The following CAPZB variants were observed in gnomAD, a reference collection of about 807,000 sequenced individuals.
The protein encoded by CAPZB is F-actin-capping protein subunit beta.
A neutral mutation model predicts 38.1 loss-of-function variants in CAPZB; 2 were observed. The observed-to-expected ratio is 0.05, with a 90% confidence interval of 0.02 to 0.17. The LOEUF (loss-of-function observed/expected upper bound fraction) is 0.17, where lower values mean the gene tolerates loss of function less well. Among genes scored for constraint, CAPZB ranks in the 10% least tolerant of loss-of-function variants. The probability of loss-of-function intolerance (pLI) is 1.00; values close to 1 mark genes in which losing one functional copy is unlikely to be tolerated. For synonymous variants in CAPZB, 107 were observed against 127.4 expected, an observed-to-expected ratio of 0.84 and a Z score of 1.08; for missense variants, 161 against 334.2, an observed-to-expected ratio of 0.48 and a Z score of 4.04.
chr1:19,347,141 G>A (rs1279204990), intron 6 of CAPZB, among the ~76,000 whole-genome samples: 4 of 151,942 alleles, frequency 2.6e-5, no homozygotes, highest in East Asian at 1.9e-4. Context: ...GCACCTGGCC[G>A]ACCCAACTTT....
At chr1:19,345,338 A>G in intron 6 of CAPZB, 86 bp from the exon 7 acceptor site, 4 of 1,105,002 alleles carry the variant, frequency 3.6e-6, no homozygotes, top group African/African-American at 1.5e-5. Flanking sequence ...CACGGTCTGC[A>G]AAGAGCCTAC....
intron 2 of CAPZB, among the ~76,000 whole-genome samples, chr1:19,388,007 G>A (rs2094212884): frequency 6.6e-6 from 1 of 152,218 alleles, no homozygotes; most frequent in Non-Finnish European, 1.5e-5. Flanking sequence ...CAGACACAGG[G>A]TACAAACGTA....
chr1:19,484,010 G>T (rs372862210), intron 1 of CAPZB, among the ~76,000 whole-genome samples: 1 of 152,162 alleles, frequency 6.6e-6, no homozygotes, highest in African/African-American at 2.4e-5. Flanking sequence ...AAGTTCTCTG[G>T]CCCTTCCAAC....
At chr1:19,367,383 G>A (rs2094095104) in intron 4 of CAPZB, among the ~76,000 whole-genome samples, 1 of 152,376 alleles carries the variant, frequency 6.6e-6, no homozygotes, top group Admixed American at 6.5e-5. Flanking sequence ...GAACAGAGGG[G>A]AGGAGAAGGC....
intron 1 of CAPZB, among the ~76,000 whole-genome samples, chr1:19,473,249 C>T (rs773550507): frequency 1.3e-5 from 2 of 152,198 alleles, no homozygotes; most frequent in Non-Finnish European, 2.9e-5. Flanking sequence ...CTTGAAAGGC[C>T]ATCTCTGCCC....
chr1:19,461,339 C>A (rs548109556), intron 1 of CAPZB, among the ~76,000 whole-genome samples: 1 of 152,320 alleles, frequency 6.6e-6, no homozygotes, highest in Admixed American at 6.5e-5. Flanking sequence ...CACAGAGGGA[C>A]AACTGAACGT....
At chr1:19,350,010 G>A (rs2093983215) in intron 6 of CAPZB, among the ~76,000 whole-genome samples, 1 of 152,252 alleles carries the variant, frequency 6.6e-6, no homozygotes, top group African/African-American at 2.4e-5. Context: ...TGTGGCTGCA[G>A]ATGTTCCACG....
chr1:19,461,096 C>CGGGGGGG (rs67195695), intron 1 of CAPZB, among the ~76,000 whole-genome samples: 7 of 113,122 alleles, frequency 6.2e-5, no homozygotes, highest in African/African-American at 1.1e-4. Context: ...TGGGCGGGGG[C>CGGGGGGG]GGGGGGGGGA....
chr1:19,484,878 G>C (rs535670335), intron 1 of CAPZB, among the ~76,000 whole-genome samples: 1 of 152,320 alleles, frequency 6.6e-6, no homozygotes, highest in African/African-American at 2.4e-5. Flanking sequence ...AGGAGATTCA[G>C]GCTGAGGCCA....
chr1:19,424,947 G>A (rs1039172026), intron 1 of CAPZB, among the ~76,000 whole-genome samples: 1 of 152,202 alleles, frequency 6.6e-6, no homozygotes, highest in African/African-American at 2.4e-5. Flanking sequence ...AAGCCTCAAG[G>A]AACCAATTGT....
intron 6 of CAPZB, among the ~76,000 whole-genome samples, chr1:19,349,550 A>G (rs1213914431): frequency 6.6e-6 from 1 of 152,140 alleles, no homozygotes; most frequent in African/African-American, 2.4e-5. Context: ...CACATCAGCA[A>G]TTTGGCCTCT....
chr1:19,474,976 C>T (rs541406950), intron 1 of CAPZB, among the ~76,000 whole-genome samples: 1 of 152,270 alleles, frequency 6.6e-6, no homozygotes, highest in South Asian at 2.1e-4. Context: ...TGACAAGGAC[C>T]TGCAGGGAGC....
intron 2 of CAPZB, among the ~76,000 whole-genome samples, chr1:19,412,626 G>C (rs1490501212): frequency 6.6e-6 from 1 of 152,098 alleles, no homozygotes. Flanking sequence ...TGCTCTCCTT[G>C]AGGCAGGCAC....
intron 8 of CAPZB, chr1:19,342,693 C>T (rs975890814): frequency 3.8e-6 from 4 of 1,046,036 alleles, no homozygotes; most frequent in Non-Finnish European, 5.9e-6. Context: ...GGCAGGGTCT[C>T]GGCGGGTTGG....
chr1:19,426,476 C>T (rs980490381), intron 1 of CAPZB, among the ~76,000 whole-genome samples: 4 of 152,134 alleles, frequency 2.6e-5, no homozygotes, highest in Non-Finnish European at 4.4e-5. Flanking sequence ...GCCTTGGAAC[C>T]GGAGGAGCTT....
chr1:19,392,244 G>T (rs1309601358), intron 2 of CAPZB, among the ~76,000 whole-genome samples: 2 of 151,802 alleles, frequency 1.3e-5, no homozygotes, highest in East Asian at 3.9e-4. Flanking sequence ...GACAGAAGGG[G>T]GTTGCTGTGG....
At chr1:19,423,227 G>GCTTC (rs1241998956) in intron 1 of CAPZB, among the ~76,000 whole-genome samples, 2 of 152,196 alleles carry the variant, frequency 1.3e-5, no homozygotes, top group Non-Finnish European at 2.9e-5. Flanking sequence ...ATGACTAAAT[G>GCTTC]CTTCCCATAA....
intron 1 of CAPZB, among the ~76,000 whole-genome samples, chr1:19,458,726 T>A (rs1456394261): frequency 6.6e-6 from 1 of 152,236 alleles, no homozygotes; most frequent in African/African-American, 2.4e-5. Flanking sequence ...CCCTCTTCAA[T>A]GTCTAAGGAC....
At chr1:19,429,192 C>T (rs1453817927) in intron 1 of CAPZB, among the ~76,000 whole-genome samples, 1 of 152,060 alleles carries the variant, frequency 6.6e-6, no homozygotes, top group Non-Finnish European at 1.5e-5. Flanking sequence ...TTCTGCCAGG[C>T]TGTCAGCTAC....
Sources: gnomAD v4.1 joint callset for allele counts (sites outside exome capture counted in the v4.1 genomes callset) on GRCh38, gnomAD v4.1.1 for gene constraint, MANE v1.5 for transcripts, NCBI Gene and HGNC (gene_info 2026-07-23, HGNC 2026-07-21) for gene names.